ZBTB20: variants seen among roughly 807,000 people sequenced by gnomAD.
The protein encoded by ZBTB20 is zinc finger and BTB domain-containing protein 20.
Under a neutral mutation model 56.9 loss-of-function variants are expected in ZBTB20, and 9 were observed. The ratio of observed to expected loss-of-function variants is 0.16; its 90% CI spans 0.10 to 0.28. The LOEUF is 0.28. Ranked by LOEUF, ZBTB20 falls within the 10% of genes least tolerant of loss-of-function variation. The pLI is 1.00. For missense variants in ZBTB20, 655 were observed against 1,003.0 expected (o/e 0.65, Z 4.69); for synonymous variants, 417 against 420.7 (o/e 0.99, Z 0.11).
intron 4 of ZBTB20, among the ~76,000 whole-genome samples, chr3:114,872,026 G>GA (rs2076032116): frequency 6.6e-6 from 1 of 151,684 alleles, no homozygotes; most frequent in African/African-American, 2.4e-5. Context: ...TTCCCGCCAG[G>GA]AAAAAAAGAA....
chr3:114,810,061 C>T (rs1211729562), intron 4 of ZBTB20, among the ~76,000 whole-genome samples: 2 of 151,778 alleles, frequency 1.3e-5, no homozygotes, highest in African/African-American at 4.9e-5. Context: ...GGCCACTATG[C>T]TAACGCCTCT....
At chr3:114,385,704 C>T (rs1189992440) in intron 8 of ZBTB20, among the ~76,000 whole-genome samples, 1 of 151,934 alleles carries the variant, frequency 6.6e-6, no homozygotes, top group Admixed American at 6.6e-5. Context: ...CTGTCTCTAC[C>T]AAAAATTCAA....
At chr3:115,015,834 C>T (rs1386499086) in intron 2 of ZBTB20, among the ~76,000 whole-genome samples, 1 of 151,842 alleles carries the variant, frequency 6.6e-6, no homozygotes, top group Non-Finnish European at 1.5e-5. Flanking sequence ...GGTATATACC[C>T]AGTAATGGGA....
At chr3:114,573,830 T>A (rs1350188153) in intron 6 of ZBTB20, among the ~76,000 whole-genome samples, 1 of 152,178 alleles carries the variant, frequency 6.6e-6, no homozygotes, top group Admixed American at 6.5e-5. Flanking sequence ...GTGTTTAGAT[T>A]ATTTACTGCT....
chr3:115,126,918 A>T (rs547372101), intron 1 of ZBTB20, among the ~76,000 whole-genome samples: 1 of 152,324 alleles, frequency 6.6e-6, no homozygotes, highest in East Asian at 1.9e-4. Context: ...CACATGGAAA[A>T]ATGACTATGA....
At chr3:114,685,423 A>G (rs1318277936) in intron 6 of ZBTB20, among the ~76,000 whole-genome samples, 1 of 152,232 alleles carries the variant, frequency 6.6e-6, no homozygotes, top group Non-Finnish European at 1.5e-5. Flanking sequence ...ACTCAGGACA[A>G]CAATCAGTGA....
intron 3 of ZBTB20, among the ~76,000 whole-genome samples, chr3:114,952,543 C>G (rs2077104760): frequency 6.6e-6 from 1 of 151,604 alleles, no homozygotes; most frequent in African/African-American, 2.4e-5. Context: ...TTCTCAAATT[C>G]TGTGAAATAC....
intron 7 of ZBTB20, among the ~76,000 whole-genome samples, chr3:114,490,346 C>T (rs1023002715): frequency 4.0e-5 from 6 of 151,788 alleles, no homozygotes; most frequent in East Asian, 1.9e-4. Flanking sequence ...CTCATCCTCC[C>T]GAGTAGCTAG....
At chr3:114,951,118 T>C (rs2077052127) in intron 3 of ZBTB20, among the ~76,000 whole-genome samples, 1 of 152,168 alleles carries the variant, frequency 6.6e-6, no homozygotes, top group South Asian at 2.1e-4. Context: ...ATGTTCACTT[T>C]GTGAAAATTC....
intron 4 of ZBTB20, among the ~76,000 whole-genome samples, chr3:114,819,320 A>G (rs547037953): frequency 5.1e-4 from 78 of 152,080 alleles, no homozygotes; most frequent in Non-Finnish European, 5.7e-4. Flanking sequence ...AAATATTCCA[A>G]TGAAACATTT....
At chr3:114,902,739 G>C (rs74933006) in intron 3 of ZBTB20, among the ~76,000 whole-genome samples, 537 of 152,184 alleles carry the variant, frequency 3.5e-3, no homozygotes, top group African/African-American at 0.012. Context: ...GTTTATCTGA[G>C]GCCACATAAA....
intron 5 of ZBTB20, among the ~76,000 whole-genome samples, chr3:114,769,426 TA>T (rs983216706): frequency 2.0e-5 from 3 of 151,084 alleles, no homozygotes; most frequent in Non-Finnish European, 4.4e-5. Flanking sequence ...TTCCATCATA[TA>T]TATATGCATA....
rs543622756 is a variant in ZBTB20, at chr3:114,910,528, G to T, written c.-455-10186C>A. The stretch of plus-strand genomic sequence containing the variant: ...TATTTACAATGGTGAGGATTTAGAA[G>T]AGGTACAAGCTAGCCAAAAGACACT... On this transcript the variant is annotated intron_variant, in intron 3 of 11. Transcript: ENST00000675478. Among the ~76,000 whole-genome samples the T allele has an allele frequency of 3.9e-4, 59 of 152,018 alleles. 1 individual carries two copies. Among genetic ancestry groups the T allele is most frequent in the African/African-American group, 1.4e-3 (58 of 41,512 alleles).
At chr3:114,619,176 C>A (rs891989782) in intron 6 of ZBTB20, among the ~76,000 whole-genome samples, 1 of 152,174 alleles carries the variant, frequency 6.6e-6, no homozygotes, top group Non-Finnish European at 1.5e-5. Flanking sequence ...TTAGTGTTAA[C>A]TCCCAAAGGA....
At chr3:114,959,650 T>C (rs1319217751) in intron 3 of ZBTB20, among the ~76,000 whole-genome samples, 1 of 151,618 alleles carries the variant, frequency 6.6e-6, no homozygotes. Context: ...ACAGTAGTTG[T>C]TCTAGGTCAA....
intron 6 of ZBTB20, among the ~76,000 whole-genome samples, chr3:114,544,654 C>A (rs1420917700): frequency 6.6e-6 from 1 of 151,964 alleles, no homozygotes; most frequent in African/African-American, 2.4e-5. Flanking sequence ...CAGGCACATG[C>A]CATCACTCCT....
intron 6 of ZBTB20, among the ~76,000 whole-genome samples, chr3:114,616,421 T>C (rs561872681): frequency 6.6e-6 from 1 of 152,354 alleles, no homozygotes; most frequent in South Asian, 2.1e-4. Context: ...GTGATGATGG[T>C]AATAAGAACC....
At chr3:114,931,351 C>G in intron 3 of ZBTB20, 1 of 232,520 alleles carries the variant, frequency 4.3e-6, no homozygotes, top group Non-Finnish European at 8.6e-6. Flanking sequence ...CCCCAATTAT[C>G]TATGTAGACT....
At chr3:114,648,802 A>G (rs1161283608) in intron 6 of ZBTB20, among the ~76,000 whole-genome samples, 1 of 152,052 alleles carries the variant, frequency 6.6e-6, no homozygotes, top group Non-Finnish European at 1.5e-5. Flanking sequence ...TTAAATTTCA[A>G]CCCAAAGGCA....
Sources: allele counts gnomAD v4.1 joint callset (sites outside exome capture counted in the v4.1 genomes callset), GRCh38; gene constraint gnomAD v4.1.1; transcripts MANE v1.5; gene names NCBI Gene and HGNC (gene_info 2026-07-23, HGNC 2026-07-21).